TEPSIN: variants seen among roughly 807,000 people sequenced by gnomAD.
TEPSIN encodes TEPSIN adaptor related protein complex 4 accessory protein.
Under a neutral mutation model 48.5 loss-of-function variants are expected in TEPSIN, and 50 were observed. That is an observed-to-expected ratio of 1.03 (90% CI 0.82 to 1.31). The LOEUF (loss-of-function observed/expected upper bound fraction) is 1.31. Among genes scored for constraint, TEPSIN ranks in the 50% most tolerant of loss-of-function variants. TEPSIN has a pLI of 0.00. For missense variants in TEPSIN, 838 were observed against 815.9 expected (o/e 1.03, Z -0.33); for synonymous variants, 392 against 358.8 (o/e 1.09, Z -1.05).
chr17:81,236,839 G>A (rs770164324), intron 3 of TEPSIN, 38 bp from the exon 4 acceptor site: 1 of 1,548,732 alleles, frequency 6.5e-7, no homozygotes, highest in South Asian at 1.2e-5. Flanking sequence ...GGGCAGGCCG[G>A]ACACGGGACA....
chr17:81,231,391 A>G lies in TEPSIN; in HGVS notation c.1098+7T>C. ...GTCACGCCCTCCCGCCCGCGTGTGC[A>G]GCTCACCAGCTGCGTGCATTCACTG... On this transcript the variant is annotated splice_region_variant and intron_variant, in intron 11 of 12. Transcript: ENST00000637944. 1 of 1,543,320 alleles carries G rather than the reference A, an allele frequency of 6.5e-7. No homozygotes were observed. Among genetic ancestry groups the G allele is most frequent in the Non-Finnish European group, 8.7e-7 (1 of 1,143,790 alleles).
At chr17:81,231,194 CGA>C (rs748134906) in intron 11 of TEPSIN, 166 of 605,292 alleles carry the variant, frequency 2.7e-4, no homozygotes, top group Middle Eastern at 4.4e-4. Flanking sequence ...CACACATGCA[CGA>C]GTGTGTACAC....
chr17:81,236,828 T>C, intron 3 of TEPSIN, 27 bp from the exon 4 acceptor site: 2 of 1,553,356 alleles, frequency 1.3e-6, no homozygotes, highest in Non-Finnish European at 1.7e-6. Flanking sequence ...TCAGCAGTGC[T>C]GGGCAGGCCG....
intron 4 of TEPSIN, among the ~76,000 whole-genome samples, chr17:81,235,347 C>A (rs1352939799): frequency 2.0e-5 from 3 of 152,248 alleles, no homozygotes; most frequent in East Asian, 1.9e-4. Context: ...TCACTGCACA[C>A]CCACCACCTG....
rs1024628643 is a variant in TEPSIN at position 81,234,470 on chromosome 17, G to A, written c.308-422C>T. Among the ~76,000 whole-genome samples the A allele has an allele frequency of 2.0e-5, 3 of 152,064 alleles. No homozygotes were observed. Among genetic ancestry groups the A allele is most frequent in the Non-Finnish European group, 2.9e-5 (2 of 67,994 alleles). On this transcript the variant is annotated intron_variant, in intron 4 of 12. Coordinates refer to ENST00000637944, the MANE Select transcript of TEPSIN (RefSeq NM_001363764.2). The surrounding 1 kb of genome is among the most constrained non-coding windows in gnomAD (Gnocchi z 5.4). ...ACCCAACCCCAGTCTCAGCCGCCTC[G>A]AGCTCCCCTGCTCTGAGAGTTCCTG...
At chr17:81,229,611 TGCTGGGAGGGGCTGGG>T in intron 12 of TEPSIN, 135 bp from the exon 13 acceptor site, 1 of 920,936 alleles carries the variant, frequency 1.1e-6, no homozygotes, top group Non-Finnish European at 1.6e-6. Flanking sequence ...GGACACCGGC[TGCTGGGAGGGGCTGGG>T]GCAGTGCACC....
chr17:81,228,852 G>T lies in TEPSIN; in HGVS notation c.*76C>A. ...GCTGCCTGGAGACTGTAGCAGCTAC[G>T]GTTGAGGCTGCTCAGGAAGCACAGA... On this transcript the variant is annotated 3_prime_UTR_variant, in exon 13 of 13. Coordinates refer to ENST00000637944, the MANE Select transcript of TEPSIN (RefSeq NM_001363764.2). 1 of 1,559,116 alleles carries T rather than the reference G, an allele frequency of 6.4e-7. No homozygotes were observed. Among genetic ancestry groups the T allele is most frequent in the South Asian group, 1.2e-5 (1 of 86,644 alleles).
In TEPSIN at chr17:81,230,654, G is replaced by A; in HGVS notation, c.1123C>T (p.Leu375=). Residue 375 remains leucine (L), a synonymous_variant, in exon 12 of 13, where the codon CTG becomes TTG. Coordinates refer to ENST00000637944, the MANE Select transcript of TEPSIN (RefSeq NM_001363764.2). This position sits in a 1 kb window ranked among gnomAD's most constrained non-coding sequence, Gnocchi z 4.2. ...QLRALCAIAS[L]GSSDLLPQEH... ...TGGGGGAGGAGGTCGCTGCTCCCCA[G>A]GGAGGCGATGGCACACAGCGCCCTC... The A allele has an allele frequency of 6.3e-7, 1 of 1,576,678 alleles. No individual in the cohort carries two copies. The highest frequency in any genetic ancestry group is 8.6e-7 in the Non-Finnish European group (1 of 1,160,228).
intron 4 of TEPSIN, among the ~76,000 whole-genome samples, chr17:81,236,477 G>A (rs2062721979): frequency 6.6e-6 from 1 of 152,228 alleles, no homozygotes; most frequent in African/African-American, 2.4e-5. Context: ...ACCCAGCGGA[G>A]GGAGGGGGCA....
At chr17:81,238,624 C>A (rs1047591236) in intron 1 of TEPSIN, 26 of 1,127,622 alleles carry the variant, frequency 2.3e-5, no homozygotes, top group Non-Finnish European at 2.8e-5. Context: ...GGACGGCGGG[C>A]TGCCAGCCCA....
At chr17:81,232,546 G>A (rs971776063) in intron 7 of TEPSIN, 28 bp from the exon 8 acceptor site, 22 of 1,521,168 alleles carry the variant, frequency 1.4e-5, no homozygotes, top group Middle Eastern at 4.6e-4. Flanking sequence ...GAGATGGGAC[G>A]GCCGCCCAGT....
chr17:81,232,610 C>T, intron 7 of TEPSIN, 92 bp from the exon 8 acceptor site: 1 of 1,247,442 alleles, frequency 8.0e-7, no homozygotes, highest in East Asian at 2.6e-5. Context: ...GCTCCCTGCT[C>T]AAGCTTGGAG....
At position 81,233,991 on chromosome 17, in the gene TEPSIN, G is replaced by C. The variant is rs541389707; in HGVS notation, c.365C>G (p.Ala122Gly). 8.1e-6 allele frequency: 13 copies of C among 1,599,364 alleles called. No homozygotes were observed. In the African/African-American group the frequency reaches 1.6e-4, roughly 20 times the overall value. The part of the protein sequence containing the change: ...HGNSLYQKVR[A>G]AAQDLGSTLF... ...TGCTCCTGGGCTCACCTGCGCGGCC[G>C]CGCGAACCTTCTGGTACAAGCTGTT... Residue 122 changes from alanine (A) to glycine (G), a missense_variant, in exon 5 of 13, where the codon GCG becomes GGG. Physicochemically the swap from Ala to Gly is moderately conservative, Grantham distance 60. Coordinates refer to ENST00000637944, the MANE Select transcript of TEPSIN (RefSeq NM_001363764.2). The surrounding 1 kb of genome is among the most constrained non-coding windows in gnomAD (Gnocchi z 5.8).
Position 81,237,075 on chromosome 17 carries a change from C to A in TEPSIN, c.122-4G>T. ...CCCGGAGACTCGTGGGAGATTTCTG[C>A]GGCACGCTCGGGTTAGGGAAGGGCG... On this transcript the variant is annotated splice_region_variant and splice_polypyrimidine_tract_variant and intron_variant, in intron 2 of 12. Transcript: ENST00000637944. 6.3e-7 allele frequency: 1 copy of A among 1,581,314 alleles called. No individual in the cohort carries two copies. Among genetic ancestry groups the A allele is most frequent in the Non-Finnish European group, 8.6e-7 (1 of 1,163,428 alleles).
intron 1 of TEPSIN, chr17:81,237,959 T>G (rs1226052899): frequency 4.0e-6 from 4 of 1,006,312 alleles, no homozygotes; most frequent in Non-Finnish European, 4.8e-6. Context: ...GTGTTTTACG[T>G]TCGCTTAGCG....
At position 81,230,622 on chromosome 17, in the gene TEPSIN, G is replaced by A. The variant is rs749150368; in HGVS notation, c.1155C>T (p.His385=). 10 of 1,602,694 alleles carry A rather than the reference G, an allele frequency of 6.2e-6. No individual in the cohort carries two copies. The East Asian group carries it at 1.8e-4, about 29-fold the overall frequency. Residue 385 remains histidine (H), a synonymous_variant, in exon 12 of 13, where the codon CAC becomes CAT. Coordinates refer to ENST00000637944, the MANE Select transcript of TEPSIN (RefSeq NM_001363764.2). This position sits in a 1 kb window ranked among gnomAD's most constrained non-coding sequence, Gnocchi z 4.2. ...LGSSDLLPQE[H]ILLRTRPWLQ... ...GCCACGGCCGGGTGCGGAGGAGGATGTGCTCCTGGGGGAGGAGGTCGCTGC... is the reference window on the plus strand; with the variant it reads ...GCCACGGCCGGGTGCGGAGGAGGATATGCTCCTGGGGGAGGAGGTCGCTGC...
chr17:81,233,348 AT>A lies in TEPSIN; in HGVS notation c.526+83del. ...GGGGACGGGGGACAGCAGCTACTAG[AT>A]GGGGCGGCATGGTCCGGCCCCCACC... On this transcript the variant is annotated intron_variant, in intron 7 of 12. Coordinates refer to ENST00000637944, the MANE Select transcript of TEPSIN (RefSeq NM_001363764.2). This position sits in a 1 kb window ranked among gnomAD's most constrained non-coding sequence, Gnocchi z 5.8. 6.7e-7 allele frequency: 1 copy of A among 1,487,420 alleles called. No homozygotes were observed. Among genetic ancestry groups the A allele is most frequent in the Non-Finnish European group, 9.1e-7 (1 of 1,097,446 alleles). The allele number at this position is 1,487,420 out of a possible 1,614,324, so 92.1% of individuals were successfully genotyped here. A position where few individuals can be genotyped will look rare whatever the true frequency, so the allele number is the denominator to read the frequency against.
Position 81,232,406 on chromosome 17 carries a change from AC to A in TEPSIN, c.638del (p.Gly213ValfsTer8). 6.5e-7 allele frequency: 1 copy of A among 1,535,478 alleles called. No individual in the cohort carries two copies. Among genetic ancestry groups the A allele is most frequent in the South Asian group, 1.2e-5 (1 of 83,992 alleles). On this transcript the variant is annotated frameshift_variant, in exon 8 of 13. Transcript: ENST00000637944. LOFTEE classifies it high-confidence loss of function. ...SPSTRRLLPR[G>X]DTYQPAMMPS... ...GCATCATGGCAGGCTGGTAGGTGTC[AC>A]CCCGCGGCAGGAGCCTCCGGGTACT...
intron 1 of TEPSIN, chr17:81,238,673 C>T (rs1267184697): frequency 8.4e-7 from 1 of 1,191,550 alleles, no homozygotes; most frequent in African/African-American, 1.6e-5. Context: ...GCTCCACGTC[C>T]ACCGGGTCCG....
Sources: allele counts gnomAD v4.1 joint callset (sites outside exome capture counted in the v4.1 genomes callset), GRCh38; gene constraint gnomAD v4.1.1; non-coding constraint Gnocchi (gnomAD v3.1); transcripts MANE v1.5; gene names NCBI Gene and HGNC (gene_info 2026-07-23, HGNC 2026-07-21).